Variants in VAV2 observed in about 807,000 individuals in gnomAD.
VAV2 encodes the protein guanine nucleotide exchange factor VAV2.
VAV2 carries 67 observed loss-of-function variants against 132.5 expected under a neutral mutation model. The observed-to-expected ratio is 0.51, with a 90% CI of 0.42 to 0.62. The LOEUF is 0.62. Ranked by LOEUF, VAV2 falls within the 20% of genes least tolerant of loss-of-function variation. The pLI, the probability that VAV2 is intolerant of heterozygous loss-of-function variation, is 0.00. For missense variants in VAV2, 938 were observed against 1,153.6 expected (o/e 0.81, Z 2.71); for synonymous variants, 492 against 443.5 (o/e 1.11, Z -1.37).
At chr9:133,888,721 G>C (rs972217642) in intron 2 of VAV2, among the ~76,000 whole-genome samples, 1 of 152,190 alleles carries the variant, frequency 6.6e-6, no homozygotes, top group African/African-American at 2.4e-5. Flanking sequence ...ACCCCAATTA[G>C]TATCATGAGC....
Position 133,834,529 on chromosome 9 carries a change from G to C in VAV2, c.381-189C>G, listed in dbSNP as rs1203746412. 1.3e-5 allele frequency among the ~76,000 whole-genome samples: 2 copies of C among 152,262 alleles called. No homozygotes were observed. The highest frequency in any genetic ancestry group is 4.8e-5 in the African/African-American group (2 of 41,470). On this transcript the variant is annotated intron_variant, in intron 3 of 29. Coordinates refer to ENST00000371850, the MANE Select transcript of VAV2 (RefSeq NM_001134398.2). This position sits in a 1 kb window ranked among gnomAD's most constrained non-coding sequence, Gnocchi z 5.9. The stretch of plus-strand genomic sequence containing the variant: ...CACAGGACGAGCCAACTGGGCCATA[G>C]GGCAAGAGGAGACCCATGCCTACTT...
chr9:133,871,061 T>A (rs1455383687), intron 2 of VAV2, among the ~76,000 whole-genome samples: 3 of 132,868 alleles, frequency 2.3e-5, no homozygotes, highest in African/African-American at 8.8e-5. Flanking sequence ...GATGAGTGGG[T>A]GGGTGAATGG....
At chr9:133,902,409 G>A (rs967684147) in intron 2 of VAV2, among the ~76,000 whole-genome samples, 8 of 152,194 alleles carry the variant, frequency 5.3e-5, no homozygotes, top group Admixed American at 1.3e-4. Context: ...CCAGATTTGC[G>A]GAGCCTGAAA....
intron 3 of VAV2, among the ~76,000 whole-genome samples, chr9:133,844,398 C>T (rs1836848277): frequency 6.6e-6 from 1 of 152,160 alleles, no homozygotes; most frequent in African/African-American, 2.4e-5. Flanking sequence ...CCTGCCCAGG[C>T]TTGGCAGGAA....
intron 2 of VAV2, among the ~76,000 whole-genome samples, chr9:133,931,865 G>C (rs569196569): frequency 6.6e-6 from 1 of 152,330 alleles, no homozygotes; most frequent in South Asian, 2.1e-4. Flanking sequence ...GCGAGGGTTT[G>C]AGGACCCAAG....
At chr9:133,914,738 A>AG in intron 2 of VAV2, among the ~76,000 whole-genome samples, 1 of 53,026 alleles carries the variant, frequency 1.9e-5, no homozygotes, top group South Asian at 1.4e-3. Context: ...GGGGGAGGAG[A>AG]GGGAAGGGGA....
chr9:133,987,662 G>A (rs753229082), intron 1 of VAV2, among the ~76,000 whole-genome samples: 2 of 152,200 alleles, frequency 1.3e-5, no homozygotes, highest in Admixed American at 6.5e-5. Flanking sequence ...CCACCAGGAC[G>A]ATGTGGGCAA....
At chr9:133,941,199 G>A (rs1224932539) in intron 1 of VAV2, among the ~76,000 whole-genome samples, 1 of 152,130 alleles carries the variant, frequency 6.6e-6, no homozygotes, top group African/African-American at 2.4e-5. Flanking sequence ...CTAGAGGTCA[G>A]GAGTTCAAGA....
At chr9:133,933,539 GTGGA>G (rs142955359) in intron 2 of VAV2, among the ~76,000 whole-genome samples, 3 of 147,258 alleles carry the variant, frequency 2.0e-5, no homozygotes, top group Non-Finnish European at 3.0e-5. Flanking sequence ...GAATGGATGA[GTGGA>G]TGGATGGATG....
rs1843038180 is a variant in VAV2 at position 133,992,007 on chromosome 9, G to T, written c.204+68C>A. 2 of 1,318,470 alleles carry T rather than the reference G, an allele frequency of 1.5e-6. No individual in the cohort carries two copies. Among genetic ancestry groups the T allele is most frequent in the Admixed American group, 3.5e-5 (1 of 28,408 alleles). 81.7% of individuals were successfully genotyped at this position (1,318,470 alleles called of 1,614,324 possible). ...GGGCCGCCGCCGCTGCGACCTCCGC[G>T]TTCAGTCCGCGCGTCGGGCAGCGCG... On this transcript the variant is annotated intron_variant, in intron 1 of 29. Coordinates refer to ENST00000371850, the MANE Select transcript of VAV2 (RefSeq NM_001134398.2). This position sits in a 1 kb window ranked among gnomAD's most constrained non-coding sequence, Gnocchi z 5.5.
At chr9:133,847,140 G>A (rs1030406494) in intron 3 of VAV2, among the ~76,000 whole-genome samples, 3 of 152,312 alleles carry the variant, frequency 2.0e-5, no homozygotes, top group Admixed American at 2.0e-4. Flanking sequence ...CCTCACCTCT[G>A]CCTTCCTGGG....
At chr9:133,810,359 G>A (rs1412700423) in intron 5 of VAV2, among the ~76,000 whole-genome samples, 154 bp from the exon 6 acceptor site, 1 of 152,196 alleles carries the variant, frequency 6.6e-6, no homozygotes, top group Non-Finnish European at 1.5e-5. Flanking sequence ...AGCTGGGCAG[G>A]GCGATGGCTC....
intron 5 of VAV2, among the ~76,000 whole-genome samples, chr9:133,811,285 G>A (rs372672225): frequency 6.6e-6 from 1 of 152,278 alleles, no homozygotes; most frequent in African/African-American, 2.4e-5. Context: ...TGCCAGCAGA[G>A]TGGGCAAGGC....
intron 5 of VAV2, 86 bp from the exon 6 acceptor site, chr9:133,810,291 C>T (rs751852348): frequency 8.8e-6 from 14 of 1,590,494 alleles, no homozygotes; most frequent in South Asian, 2.3e-5. Flanking sequence ...ACATCAGGAA[C>T]GCCACCCCAC....
chr9:133,770,340 C>T (rs1032459037), intron 27 of VAV2, 38 bp downstream of exon 27: 9 of 1,612,086 alleles, frequency 5.6e-6, no homozygotes, highest in African/African-American at 2.7e-5. Context: ...CAGACCCCTC[C>T]GAGGAGTGCT....
intron 26 of VAV2, among the ~76,000 whole-genome samples, 161 bp downstream of exon 26, chr9:133,771,798 G>T (rs1413849878): frequency 6.6e-6 from 1 of 152,232 alleles, no homozygotes; most frequent in African/African-American, 2.4e-5. Context: ...CTGGGACATA[G>T]CTCTAGCTGT....
At chr9:133,846,595 G>A (rs1453473754) in intron 3 of VAV2, among the ~76,000 whole-genome samples, 1 of 4,468 alleles carries the variant, frequency 2.2e-4, no homozygotes, top group South Asian at 6.2e-3. Flanking sequence ...ATCCAGGGCC[G>A]CCAAGCAGTT....
intron 19 of VAV2, among the ~76,000 whole-genome samples, chr9:133,782,099 GC>G (rs749246269): frequency 0.043 from 6,433 of 149,894 alleles, 146 homozygotes; most frequent in African/African-American, 0.051. Flanking sequence ...TAATAATCCG[GC>G]GGGGGCGGGG....
chr9:133,833,120 G>A lies in VAV2; in HGVS notation c.449+1152C>T, dbSNP rs1177957130. On this transcript the variant is annotated intron_variant, in intron 4 of 29. Coordinates refer to ENST00000371850, the MANE Select transcript of VAV2 (RefSeq NM_001134398.2). The surrounding 1 kb of genome is among the most constrained non-coding windows in gnomAD (Gnocchi z 5.6). ...GCTGGTGGCAGCTACTCCAGCTGGT[G>A]GGTGAGGAATTTCTTTCACAGAAGT... Among the ~76,000 whole-genome samples, 3 of 152,206 alleles carry A rather than the reference G, an allele frequency of 2.0e-5. No individual in the cohort carries two copies. The highest frequency in any genetic ancestry group is 4.8e-5 in the African/African-American group (2 of 41,444).
Sources: gnomAD v4.1 joint callset for allele counts (sites outside exome capture counted in the v4.1 genomes callset) on GRCh38, gnomAD v4.1.1 for gene constraint, Gnocchi (gnomAD v3.1) non-coding constraint, MANE v1.5 for transcripts, NCBI Gene and HGNC (gene_info 2026-07-23, HGNC 2026-07-21) for gene names.